The following KMT5C variants were observed in gnomAD, a reference collection of about 807,000 sequenced individuals.
KMT5C encodes histone-lysine N-methyltransferase KMT5C.
A neutral mutation model predicts 38.2 loss-of-function variants in KMT5C; 16 were observed. That is an observed-to-expected ratio of 0.42 (90% confidence interval 0.28 to 0.64). KMT5C has a LOEUF of 0.64. Among genes scored for constraint, KMT5C ranks in the 30% least tolerant of loss-of-function variants. The pLI, the probability that KMT5C is intolerant of heterozygous loss-of-function variation, is 0.23. For missense variants in KMT5C, 598 were observed against 665.1 expected, an observed-to-expected ratio of 0.90 and a Z score of 1.11; for synonymous variants, 291 against 279.0, an observed-to-expected ratio of 1.04 and a Z score of -0.43.
chr19:55,342,142 C>T, intron 2 of KMT5C, 73 bp from the exon 3 acceptor site: 1 of 1,585,710 alleles, frequency 6.3e-7, no homozygotes, highest in Non-Finnish European at 8.6e-7. Flanking sequence ...CCTGGTCCTC[C>T]CCTCAGCTCC....
chr19:55,345,978 A>G, intron 6 of KMT5C: 2 of 576,862 alleles, frequency 3.5e-6, no homozygotes, highest in Non-Finnish European at 6.2e-6. Context: ...GTCAGGTTAG[A>G]TCATCGTCCT....
rs1259322246 is a variant in KMT5C at position 55,347,569 on chromosome 19, C to T, written c.*120C>T. On this transcript the variant is annotated 3_prime_UTR_variant, in exon 9 of 9. Coordinates refer to ENST00000255613, the MANE Select transcript of KMT5C (RefSeq NM_032701.4). The surrounding 1 kb of genome is among the most constrained non-coding windows in gnomAD (Gnocchi z 4.6). The stretch of plus-strand genomic sequence containing the variant: ...GCTGACCCTTGACTCCAGCATAGCT[C>T]TGACCCTGGAATGGGGTTGGTTTGG... 2 of 1,411,072 alleles carry T rather than the reference C, an allele frequency of 1.4e-6. No individual in the cohort carries two copies. The highest frequency in any genetic ancestry group is 1.8e-6 in the Non-Finnish European group (2 of 1,084,396). The allele number at this position is 1,411,072 out of a possible 1,614,324, so 87.4% of individuals were successfully genotyped here.
rs564309124 is a variant in KMT5C, at chr19:55,347,880, C to T, written c.*431C>T. ...ACTGCCCTCACGAGGGGACTGGGTT[C>T]GCTCTCAGCTCTGCAGCTGTCTGCG... On this transcript the variant is annotated 3_prime_UTR_variant, in exon 9 of 9. Coordinates refer to ENST00000255613, the MANE Select transcript of KMT5C (RefSeq NM_032701.4). This position sits in a 1 kb window ranked among gnomAD's most constrained non-coding sequence, Gnocchi z 4.6. 4.9e-4 allele frequency: 83 copies of T among 167,784 alleles called. No homozygotes were observed. The highest frequency in any genetic ancestry group is 8.5e-4 in the Non-Finnish European group (67 of 79,042). The allele number at this position is 167,784 out of a possible 1,614,324, so 10.4% of individuals were successfully genotyped here.
chr19:55,346,771 T>C, intron 8 of KMT5C, 84 bp downstream of exon 8: 1 of 1,244,818 alleles, frequency 8.0e-7, no homozygotes, highest in Non-Finnish European at 1.1e-6. Context: ...GCTCTCTGCC[T>C]AGCCTGGAAC....
Position 55,346,977 on chromosome 19 carries a change from T to C in KMT5C, c.917T>C (p.Leu306Pro). The C allele has an allele frequency of 9.1e-7, 1 of 1,094,884 alleles. No individual in the cohort carries two copies. Among genetic ancestry groups the C allele is most frequent in the Non-Finnish European group, 1.4e-6 (1 of 723,282 alleles). The allele number at this position is 1,094,884 out of a possible 1,614,324, so 67.8% of individuals were successfully genotyped here. ...ACAGCCGCCTGCCAGCCCCTGCGCC[T>C]GCCAGCCTGCAGCGCCCGCCCAGAC... ...PFCAACQPLR[L>P]PACSARPDTS... Residue 306 changes from leucine to proline, a missense_variant, in exon 9 of 9, where the codon CTG becomes CCG. Transcript: ENST00000255613.
rs200713369 is a variant in KMT5C, at chr19:55,342,403, C to T, written c.276+23C>T. On this transcript the variant is annotated intron_variant, in intron 3 of 8. Coordinates refer to ENST00000255613, the MANE Select transcript of KMT5C (RefSeq NM_032701.4). ...CACGTGAGGGCGCCCTCCCCTCCCC[C>T]GCCCTCACCGCGTGTCCTCCCCGCT... 127 of 1,449,994 alleles carry T rather than the reference C, an allele frequency of 8.8e-5. No homozygotes were observed. In the African/African-American group the frequency reaches 1.4e-3, roughly 16 times the overall value. 89.8% of individuals were successfully genotyped at this position (1,449,994 alleles called of 1,614,324 possible). A position where few individuals can be genotyped will look rare whatever the true frequency, so the allele number is the denominator to read the frequency against.
intron 1 of KMT5C, among the ~76,000 whole-genome samples, chr19:55,340,598 C>A (rs1458670470): frequency 2.0e-5 from 3 of 151,166 alleles, no homozygotes; most frequent in African/African-American, 7.3e-5. Flanking sequence ...TTCCTGGATC[C>A]CCCAGGACCC....
In KMT5C at chr19:55,343,917, C is replaced by T; in HGVS notation, c.551-61C>T. 2 of 1,607,656 alleles carry T rather than the reference C, an allele frequency of 1.2e-6. No homozygotes were observed. The highest frequency in any genetic ancestry group is 8.5e-7 in the Non-Finnish European group (1 of 1,174,928). Reference sequence around the variant, plus strand: ...GCTGGAGGGGTGTAGTGGGAGGGTTCTGCGACTGAGCTGCCGAGCTCATCT... The same window carrying T: ...GCTGGAGGGGTGTAGTGGGAGGGTTTTGCGACTGAGCTGCCGAGCTCATCT... On this transcript the variant is annotated intron_variant, in intron 5 of 8. Transcript: ENST00000255613. This position sits in a 1 kb window ranked among gnomAD's most constrained non-coding sequence, Gnocchi z 5.5.
intron 3 of KMT5C, 129 bp from the exon 4 acceptor site, chr19:55,342,613 C>T (rs909458817): frequency 1.4e-5 from 9 of 660,952 alleles, no homozygotes; most frequent in East Asian, 5.4e-5. Context: ...AAACTGAGGC[C>T]CCGAGAGGGA....
At position 55,347,715 on chromosome 19, in the gene KMT5C, C is replaced by T. The variant is rs984573003; in HGVS notation, c.*266C>T. 2 of 506,114 alleles carry T rather than the reference C, an allele frequency of 4.0e-6. No homozygotes were observed. Among genetic ancestry groups the T allele is most frequent in the Non-Finnish European group, 6.7e-6 (2 of 298,336 alleles). 31.4% of individuals were successfully genotyped at this position (506,114 alleles called of 1,614,324 possible). The stretch of plus-strand genomic sequence containing the variant: ...CACCCCTGCCCCAGCCTCAGGACTG[C>T]AGGAGCCATCCGCCCCCCTCAGCCC... On this transcript the variant is annotated 3_prime_UTR_variant, in exon 9 of 9. Transcript: ENST00000255613. The surrounding 1 kb of genome is among the most constrained non-coding windows in gnomAD (Gnocchi z 4.6).
chr19:55,343,985 A>G lies in KMT5C; in HGVS notation c.558A>G (p.Lys186=). ...TGCCCCAACTGGCTCCAGACTGCAA[A>G]CCCAACTGCAAGGTAAGGCCTTGGG... ...GPAAFINHDC[K]PNCKFVPADG... Residue 186 remains lysine (K), a synonymous_variant, in exon 6 of 9, where the codon AAA becomes AAG. Transcript: ENST00000255613. This position sits in a 1 kb window ranked among gnomAD's most constrained non-coding sequence, Gnocchi z 5.5. The G allele has an allele frequency of 6.2e-7, 1 of 1,612,684 alleles. No homozygotes were observed. Among genetic ancestry groups the G allele is most frequent in the Non-Finnish European group, 8.5e-7 (1 of 1,178,878 alleles).
chr19:55,342,010 C>G lies in KMT5C; in HGVS notation c.74C>G (p.Pro25Arg). The change falls in exon 2 of 9, where the codon CCC becomes CGC. Residue 25 changes from proline (P) to arginine (R), a missense_variant. Pro to Arg is a moderately radical substitution (Grantham distance 103). Around this residue, in one of 3 missense-constraint regions of KMT5C, gnomAD observed 167 missense variants for 187.8 expected, o/e 0.89. Transcript: ENST00000255613. ...CTGGCCACCAGCCTCGTCCTGGACC[C>G]CTACCTCGGTTTCCGCACCCATAAG... is the stretch of plus-strand genomic sequence containing the variant. ...DDLATSLVLD[P>R]YLGFRTHKMN... The G allele has an allele frequency of 6.2e-7, 1 of 1,613,790 alleles. No individual in the cohort carries two copies. The highest frequency in any genetic ancestry group is 8.5e-7 in the Non-Finnish European group (1 of 1,179,946).
Position 55,347,025 on chromosome 19 carries a change from G to A in KMT5C, c.965G>A (p.Trp322Ter). Residue 322 changes from tryptophan to a stop codon, truncating the protein, a stop_gained, in exon 9 of 9, where the codon TGG (tryptophan) becomes TAG (stop). Coordinates refer to ENST00000255613, the MANE Select transcript of KMT5C (RefSeq NM_032701.4). LOFTEE classifies it low-confidence loss of function (END_TRUNC). The surrounding 1 kb of genome is among the most constrained non-coding windows in gnomAD (Gnocchi z 4.6). ...RPDTSPLWLQ[W>*]LPQPQPRVRP... ...GACACCTCACCCCTCTGGCTCCAGT[G>A]GCTGCCTCAGCCCCAGCCCCGAGTG... is the stretch of plus-strand genomic sequence containing the variant. 1 of 1,472,216 alleles carries A rather than the reference G, an allele frequency of 6.8e-7. No individual in the cohort carries two copies. Among genetic ancestry groups the A allele is most frequent in the Non-Finnish European group, 9.4e-7 (1 of 1,066,964 alleles). 91.2% of individuals were successfully genotyped at this position (1,472,216 alleles called of 1,614,324 possible).
At chr19:55,345,835 G>T (rs1250498927) in intron 6 of KMT5C, among the ~76,000 whole-genome samples, 1 of 152,204 alleles carries the variant, frequency 6.6e-6, no homozygotes, top group Non-Finnish European at 1.5e-5. Context: ...CAGCTGCCAA[G>T]GCACAGTCTG....
chr19:55,340,395 C>T (rs1327723496), intron 1 of KMT5C, among the ~76,000 whole-genome samples: 1 of 151,892 alleles, frequency 6.6e-6, no homozygotes, highest in African/African-American at 2.4e-5. Flanking sequence ...GACCTCCTCT[C>T]ACCCTCCAGG....
Position 55,343,480 on chromosome 19 carries a change from G to A in KMT5C, c.387-200G>A. ...TGAAGGCTTTCAGTAGAAGGGTCCTGTGGGGCTGTGGGCTGGAGCAGGGAA... is the reference window on the plus strand; with the variant it reads ...TGAAGGCTTTCAGTAGAAGGGTCCTATGGGGCTGTGGGCTGGAGCAGGGAA... On this transcript the variant is annotated intron_variant, in intron 4 of 8. Transcript: ENST00000255613. This position sits in a 1 kb window ranked among gnomAD's most constrained non-coding sequence, Gnocchi z 5.5. 1 of 605,296 alleles carries A rather than the reference G, an allele frequency of 1.7e-6. No individual in the cohort carries two copies. The highest frequency in any genetic ancestry group is 2.9e-6 in the Non-Finnish European group (1 of 341,446). 37.5% of individuals were successfully genotyped at this position (605,296 alleles called of 1,614,324 possible). A position where few individuals can be genotyped will look rare whatever the true frequency, so the allele number is the denominator to read the frequency against.
At chr19:55,342,558 G>C (rs1202966798) in intron 3 of KMT5C, 178 bp downstream of exon 3, 2 of 640,956 alleles carry the variant, frequency 3.1e-6, no homozygotes, top group Non-Finnish European at 5.4e-6. Context: ...AGAGTTGGGG[G>C]GGCCCTCTGA....
chr19:55,347,520 G>C lies in KMT5C; in HGVS notation c.*71G>C. The C allele has an allele frequency of 6.8e-7, 1 of 1,472,390 alleles. No homozygotes were observed. The highest frequency in any genetic ancestry group is 8.9e-7 in the Non-Finnish European group (1 of 1,119,824). 91.2% of individuals were successfully genotyped at this position (1,472,390 alleles called of 1,614,324 possible). A position where few individuals can be genotyped will look rare whatever the true frequency, so the allele number is the denominator to read the frequency against. ...AGCTGCTACCCAGGACCTCCAGAAG[G>C]AGCCCTTGGACCTCTGGGAGGGAGC... is the stretch of plus-strand genomic sequence containing the variant. On this transcript the variant is annotated 3_prime_UTR_variant, in exon 9 of 9. Transcript: ENST00000255613. The surrounding 1 kb of genome is among the most constrained non-coding windows in gnomAD (Gnocchi z 4.6).
At position 55,342,303 on chromosome 19, in the gene KMT5C, G is replaced by A; in HGVS notation, c.199G>A (p.Ala67Thr). 1.3e-6 allele frequency: 2 copies of A among 1,589,978 alleles called. No individual in the cohort carries two copies. Among genetic ancestry groups the A allele is most frequent in the East Asian group, 2.3e-5 (1 of 43,554 alleles). The change falls in exon 3 of 9, where the codon GCC becomes ACC. Residue 67 changes from alanine to threonine, a missense_variant. By Grantham distance (58) the Ala-to-Thr change is moderately conservative. Transcript: ENST00000255613. ...GCGGGACCTGGAGGCTGCGTACCGG[G>A]CCCTGACGCTGGGAGGCTGGACGGC... is the stretch of plus-strand genomic sequence containing the variant. Reference protein sequence around the residue: ...RQRDLEAAYRALTLGGWTARY... With the variant: ...RQRDLEAAYRTLTLGGWTARY...
Sources: allele counts gnomAD v4.1 joint callset (sites outside exome capture counted in the v4.1 genomes callset), GRCh38; gene constraint gnomAD v4.1.1; regional missense constraint gnomAD v4.1.1; non-coding constraint Gnocchi (gnomAD v3.1); transcripts MANE v1.5; gene names NCBI Gene and HGNC (gene_info 2026-07-23, HGNC 2026-07-21).